SLC14A2: variants seen among roughly 807,000 people sequenced by gnomAD.
SLC14A2 encodes solute carrier family 14 member 2.
Under a neutral mutation model 104.6 loss-of-function variants are expected in SLC14A2, and 91 were observed. The observed-to-expected ratio is 0.87, with a 90% CI of 0.73 to 1.04. The LOEUF is 1.04. SLC14A2 is among the 50% of genes least tolerant of loss of function. The pLI is 0.00. For synonymous variants in SLC14A2, 476 were observed against 466.4 expected, an observed-to-expected ratio of 1.02 and a Z score of -0.27; for missense variants, 1,189 against 1,156.0, an observed-to-expected ratio of 1.03 and a Z score of -0.41.
chr18:45,169,239 C>A, the SLC14A2 span: 1 of 152,172 alleles, frequency 6.6e-6, no homozygotes, highest in African/African-American at 2.4e-5. Flanking sequence ...ATTGTTGATG[C>A]AAAACTTCCC....
intron 1 of SLC14A2, among the ~76,000 whole-genome samples, chr18:45,445,036 G>T (rs1487305189): frequency 6.6e-6 from 1 of 151,460 alleles, no homozygotes; most frequent in Non-Finnish European, 1.5e-5. Context: ...CAAAACAAAT[G>T]GATGATGGGA....
intron 1 of SLC14A2, among the ~76,000 whole-genome samples, chr18:45,470,176 A>G (rs1433284520): frequency 2.0e-5 from 3 of 152,176 alleles, no homozygotes; most frequent in Admixed American, 1.3e-4. Context: ...TTAGATCATC[A>G]TTGCAGGTTT....
chr18:45,585,963 C>T (rs1210897716), intron 2 of SLC14A2, among the ~76,000 whole-genome samples: 2 of 152,200 alleles, frequency 1.3e-5, no homozygotes, highest in South Asian at 4.1e-4. Flanking sequence ...TATTCACATA[C>T]TTATTCAGTC....
intron 1 of SLC14A2, among the ~76,000 whole-genome samples, chr18:45,619,838 T>TG (rs1357000571): frequency 6.6e-6 from 1 of 152,178 alleles, no homozygotes; most frequent in African/African-American, 2.4e-5. Context: ...CCCTTCAATT[T>TG]GGGAGCACGA....
intron 2 of SLC14A2, among the ~76,000 whole-genome samples, chr18:45,532,066 G>C (rs1194488252): frequency 6.6e-6 from 1 of 152,170 alleles, no homozygotes; most frequent in Non-Finnish European, 1.5e-5. Context: ...CTATATCTCT[G>C]TTTTGGTAGG....
chr18:45,613,351 C>A (rs2045004489), upstream of SLC14A2, among the ~76,000 whole-genome samples: 1 of 152,030 alleles, frequency 6.6e-6, no homozygotes, highest in Non-Finnish European at 1.5e-5. Flanking sequence ...TGAAAACAGA[C>A]TAATACAGTA....
intron 1 of SLC14A2, among the ~76,000 whole-genome samples, chr18:45,226,661 G>A (rs2084120753): frequency 8.2e-6 from 1 of 121,822 alleles, no homozygotes; most frequent in Non-Finnish European, 1.7e-5. Flanking sequence ...ACACAACGGG[G>A]CCTGTTGGGT....
At chr18:45,180,156 G>A in the SLC14A2 span, among the ~76,000 whole-genome samples, 1 of 151,904 alleles carries the variant, frequency 6.6e-6, no homozygotes, top group African/African-American at 2.4e-5. Flanking sequence ...CTGAAAAAGA[G>A]AAAAAAACAA....
intron 2 of SLC14A2, among the ~76,000 whole-genome samples, chr18:45,600,446 C>T (rs573978250): frequency 1.9e-4 from 29 of 152,296 alleles, no homozygotes; most frequent in African/African-American, 7.0e-4. Flanking sequence ...GTCAGGCATC[C>T]CTTCTTCTCA....
At chr18:45,315,023 C>T (rs1022270244) in intron 1 of SLC14A2, among the ~76,000 whole-genome samples, 6 of 152,124 alleles carry the variant, frequency 3.9e-5, no homozygotes, top group Admixed American at 3.3e-4. Context: ...GGTTAGTCTA[C>T]AAATGCTGGG....
chr18:45,501,270 C>T (rs2043194703), intron 2 of SLC14A2, among the ~76,000 whole-genome samples: 2 of 152,204 alleles, frequency 1.3e-5, no homozygotes, highest in Non-Finnish European at 2.9e-5. Flanking sequence ...GAGTGACTCT[C>T]TGCTTATGTC....
At chr18:45,658,811 A>G (rs2045885956) in intron 10 of SLC14A2, among the ~76,000 whole-genome samples, 1 of 152,034 alleles carries the variant, frequency 6.6e-6, no homozygotes, top group Admixed American at 6.5e-5. Context: ...CTGATATTTG[A>G]ACAGTTGGCA....
chr18:45,626,231 T>G (rs1284900701), intron 3 of SLC14A2, among the ~76,000 whole-genome samples: 2 of 152,244 alleles, frequency 1.3e-5, no homozygotes, highest in Non-Finnish European at 2.9e-5. Flanking sequence ...ATTCACTTGT[T>G]GCACAGCCAT....
chr18:45,216,626 T>A (rs2084013218), intron 1 of SLC14A2, among the ~76,000 whole-genome samples: 2 of 152,180 alleles, frequency 1.3e-5, no homozygotes, highest in Non-Finnish European at 2.9e-5. Context: ...ATATGGGAAC[T>A]CACAGTACCG....
rs1337648710 is a variant in SLC14A2 at position 45,666,945 on chromosome 18, C to G, written c.1568C>G (p.Thr523Ser). 1.2e-6 allele frequency: 2 copies of G among 1,613,830 alleles called. No individual in the cohort carries two copies. The highest frequency in any genetic ancestry group is 2.7e-5 in the African/African-American group (2 of 75,038). ...KPTVELLDLD[T>S]MEESSEIKVE... ...CTCTGTCCTGGACAGGATCTGGACA[C>G]CATGGAGGAGAGCTCTGAGATAAAA... Residue 523 changes from threonine to serine, a missense_variant, in exon 13 of 20, where the codon ACC (threonine) becomes AGC (serine). Transcript: ENST00000255226.
intron 2 of SLC14A2, among the ~76,000 whole-genome samples, chr18:45,496,377 T>C (rs2144745956): frequency 6.6e-6 from 1 of 152,244 alleles, no homozygotes; most frequent in Admixed American, 6.5e-5. Context: ...GAGATTGACA[T>C]TTGAGTCAGT....
chr18:45,451,697 C>T (rs2086860867), intron 1 of SLC14A2, among the ~76,000 whole-genome samples: 1 of 152,122 alleles, frequency 6.6e-6, no homozygotes, highest in Non-Finnish European at 1.5e-5. Flanking sequence ...AATTGCACTC[C>T]AATAAACCAT....
intron 1 of SLC14A2, among the ~76,000 whole-genome samples, chr18:45,459,354 G>GT (rs1568217190): frequency 1.3e-5 from 2 of 152,216 alleles, no homozygotes; most frequent in African/African-American, 2.4e-5. Flanking sequence ...TCCATGTGCT[G>GT]TAGAGGAGGA....
intron 1 of SLC14A2, among the ~76,000 whole-genome samples, chr18:45,350,075 C>T (rs2052928292): frequency 6.6e-6 from 1 of 152,274 alleles, no homozygotes. Flanking sequence ...CTGTTTGGGT[C>T]AACAAAGACA....
Sources: gnomAD v4.1 joint callset for allele counts (sites outside exome capture counted in the v4.1 genomes callset) on GRCh38, gnomAD v4.1.1 for gene constraint, MANE v1.5 for transcripts, NCBI Gene and HGNC (gene_info 2026-07-23, HGNC 2026-07-21) for gene names.